Variants in GALNTL6 observed in about 807,000 individuals in gnomAD.
GALNTL6 encodes polypeptide N-acetylgalactosaminyltransferase-like 6.
In GALNTL6, 46 loss-of-function variants were observed where a neutral mutation model predicts 73.7. The ratio of observed to expected loss-of-function variants is 0.62; its 90% CI spans 0.49 to 0.80. The LOEUF is 0.80. GALNTL6 is among the 30% of genes least tolerant of loss of function. GALNTL6 has a pLI of 0.00. For synonymous variants in GALNTL6, 259 were observed against 263.7 expected, an observed-to-expected ratio of 0.98 and a Z score of 0.17; for missense variants, 604 against 755.0, an observed-to-expected ratio of 0.80 and a Z score of 2.34.
chr4:172,148,438 C>T (rs1733984077), intron 2 of GALNTL6, among the ~76,000 whole-genome samples: 1 of 152,064 alleles, frequency 6.6e-6, no homozygotes, highest in African/African-American at 2.4e-5. Flanking sequence ...GTATTGTTAG[C>T]CAGAATTTAG....
At chr4:172,987,214 T>C (rs1201230190) in intron 10 of GALNTL6, among the ~76,000 whole-genome samples, 2 of 152,140 alleles carry the variant, frequency 1.3e-5, no homozygotes, top group African/African-American at 2.4e-5. Flanking sequence ...AAAGGTTTAA[T>C]AGACTCACAG....
At chr4:172,747,937 G>A (rs184476354) in intron 5 of GALNTL6, among the ~76,000 whole-genome samples, 6 of 151,348 alleles carry the variant, frequency 4.0e-5, no homozygotes, top group Admixed American at 4.0e-4. Context: ...GGCACAGAGA[G>A]ACAATCACTA....
Position 172,278,344 on chromosome 4 carries a change from C to T in GALNTL6, c.248-33270C>T, listed in dbSNP as rs549265797. ...GTTTTCTTTGCATCTCTGGCTAAGT[C>T]TTCACATATTCATTCCAATAACTAT... On this transcript the variant is annotated intron_variant, in intron 3 of 12. Transcript: ENST00000506823. Among the ~76,000 whole-genome samples the T allele has an allele frequency of 2.0e-5, 3 of 152,268 alleles. No individual in the cohort carries two copies. The South Asian group carries it at 6.2e-4, about 32-fold the overall frequency.
At chr4:172,754,700 G>A (rs1737639512) in intron 5 of GALNTL6, among the ~76,000 whole-genome samples, 2 of 152,098 alleles carry the variant, frequency 1.3e-5, no homozygotes, top group Non-Finnish European at 2.9e-5. Context: ...GGAATGGATG[G>A]TGTTAATGAT....
chr4:171,842,768 A>G (rs961291353), intron 2 of GALNTL6, among the ~76,000 whole-genome samples: 8 of 151,866 alleles, frequency 5.3e-5, no homozygotes, highest in African/African-American at 1.9e-4. Context: ...TGATTCAATC[A>G]CCTCCCACCA....
chr4:171,972,303 G>T (rs190417038), intron 2 of GALNTL6, among the ~76,000 whole-genome samples: 1 of 151,818 alleles, frequency 6.6e-6, no homozygotes, highest in Non-Finnish European at 1.5e-5. Context: ...TTAACATATG[G>T]CATCTATATG....
chr4:171,948,379 A>G (rs1738767094), intron 2 of GALNTL6, among the ~76,000 whole-genome samples: 2 of 152,212 alleles, frequency 1.3e-5, no homozygotes, highest in South Asian at 4.1e-4. Context: ...TAATTTAGAT[A>G]TGCCAGTGGC....
chr4:172,948,758 C>T lies in GALNTL6; in HGVS notation c.1150-3279C>T, dbSNP rs556237271. ...AGTGCTGGGATTACAGCATGAGCCA[C>T]GGCACCTGGCCATTTTGGAGTGTTT... On this transcript the variant is annotated intron_variant, in intron 9 of 12. Transcript: ENST00000506823. Among the ~76,000 whole-genome samples the T allele has an allele frequency of 7.9e-5, 12 of 152,018 alleles. No homozygotes were observed. In the South Asian group the frequency reaches 2.1e-3, roughly 26 times the overall value.
chr4:172,935,229 G>C (rs951342563), intron 9 of GALNTL6, among the ~76,000 whole-genome samples: 10 of 152,172 alleles, frequency 6.6e-5, no homozygotes, highest in Non-Finnish European at 1.2e-4. Context: ...GCCAATACAA[G>C]ACAAGGTTAG....
chr4:172,845,083 T>C (rs990160047), intron 7 of GALNTL6, among the ~76,000 whole-genome samples: 4 of 150,728 alleles, frequency 2.7e-5, no homozygotes, highest in African/African-American at 9.7e-5. Flanking sequence ...CTGGGCGTGG[T>C]GGCATGCGCC....
chr4:172,278,352 A>G (rs1164252821), intron 3 of GALNTL6, among the ~76,000 whole-genome samples: 1 of 152,190 alleles, frequency 6.6e-6, no homozygotes, highest in Non-Finnish European at 1.5e-5. Flanking sequence ...GTCTTCACAT[A>G]TTCATTCCAA....
intron 7 of GALNTL6, among the ~76,000 whole-genome samples, chr4:172,845,520 G>A (rs903531027): frequency 8.5e-5 from 13 of 152,142 alleles, no homozygotes; most frequent in South Asian, 2.1e-4. Flanking sequence ...CCTTCCTGAT[G>A]CCGGCTTTGA....
chr4:172,748,695 C>T (rs758171561), intron 5 of GALNTL6, among the ~76,000 whole-genome samples: 3 of 151,970 alleles, frequency 2.0e-5, no homozygotes. Context: ...GGTGACCTAT[C>T]GCACAGCAGG....
intron 10 of GALNTL6, among the ~76,000 whole-genome samples, chr4:172,988,891 T>C (rs1195882939): frequency 2.0e-5 from 3 of 152,182 alleles, no homozygotes; most frequent in Non-Finnish European, 2.9e-5. Flanking sequence ...GGAGCCTCCA[T>C]CTAGATCTCA....
At chr4:172,672,674 G>A (rs1732057508) in intron 5 of GALNTL6, among the ~76,000 whole-genome samples, 1 of 151,954 alleles carries the variant, frequency 6.6e-6, no homozygotes, top group Admixed American at 6.6e-5. Flanking sequence ...GCATTGGTAG[G>A]TTGTTTATTA....
At chr4:172,846,449 C>T (rs2111097085) in intron 7 of GALNTL6, among the ~76,000 whole-genome samples, 1 of 152,188 alleles carries the variant, frequency 6.6e-6, no homozygotes, top group East Asian at 1.9e-4. Context: ...CAGAACATAA[C>T]CATATGCCTT....
intron 5 of GALNTL6, among the ~76,000 whole-genome samples, chr4:172,404,716 T>C (rs2111330646): frequency 6.6e-6 from 1 of 152,228 alleles, no homozygotes; most frequent in South Asian, 2.1e-4. Flanking sequence ...TGCGATTGCC[T>C]GGGCACTAAT....
Position 172,714,448 on chromosome 4 carries a change from C to T in GALNTL6, c.554-94913C>T, listed in dbSNP as rs1456409320. On this transcript the variant is annotated intron_variant, in intron 5 of 12. Transcript: ENST00000506823. Reference sequence around the variant, plus strand: ...AATAAGAATCATAATGATCGTAATACCTACCTGACAGAGTAAGAAAGGCTT... The same window carrying T: ...AATAAGAATCATAATGATCGTAATATCTACCTGACAGAGTAAGAAAGGCTT... Among the ~76,000 whole-genome samples the T allele has an allele frequency of 2.0e-5, 3 of 152,180 alleles. No individual in the cohort carries two copies. In the South Asian group the frequency reaches 6.2e-4, roughly 32 times the overall value.
intron 2 of GALNTL6, among the ~76,000 whole-genome samples, chr4:172,091,861 C>A (rs556470011): frequency 6.6e-6 from 1 of 152,080 alleles, no homozygotes; most frequent in African/African-American, 2.4e-5. Context: ...AGAAAAGAAT[C>A]GGGAACATTT....
Sources: gnomAD v4.1 joint callset for allele counts (sites outside exome capture counted in the v4.1 genomes callset) on GRCh38, gnomAD v4.1.1 for gene constraint, MANE v1.5 for transcripts, NCBI Gene and HGNC (gene_info 2026-07-23, HGNC 2026-07-21) for gene names.